IFNGR1: variants seen among roughly 807,000 people sequenced by gnomAD.
IFNGR1 encodes the protein AVP, type 2.
Under a neutral mutation model 35.4 loss-of-function variants are expected in IFNGR1, and 23 were observed. The observed-to-expected ratio is 0.65, with a 90% CI of 0.47 to 0.92. IFNGR1 has a LOEUF of 0.92. Ranked by LOEUF, IFNGR1 falls within the 40% of genes least tolerant of loss-of-function variation. The probability of loss-of-function intolerance (pLI) is 0.00; values close to 1 mark genes in which losing one functional copy is unlikely to be tolerated. For missense variants in IFNGR1, 533 were observed against 583.4 expected (o/e 0.91, Z 0.89); for synonymous variants, 199 against 209.5 (o/e 0.95, Z 0.43).
rs1247883861 is a variant in IFNGR1, at chr6:137,207,091, A to C, written c.86-14T>G. On this transcript the variant is annotated splice_polypyrimidine_tract_variant and intron_variant, in intron 1 of 6. Coordinates refer to ENST00000367739, the MANE Select transcript of IFNGR1 (RefSeq NM_000416.3). ...TTGGTGTAGGCACTGTAAGAAAATA[A>C]AAAAGTAAAAGGGACAATTGTAAGA... 6.2e-7 allele frequency: 1 copy of C among 1,613,454 alleles called. No individual in the cohort carries two copies. The highest frequency in any genetic ancestry group is 8.5e-7 in the Non-Finnish European group (1 of 1,179,654).
chr6:137,200,804 A>C, intron 6 of IFNGR1, 77 bp downstream of exon 6: 2 of 1,235,504 alleles, frequency 1.6e-6, no homozygotes, highest in Non-Finnish European at 2.3e-6. Context: ...ATTCTACTTT[A>C]AAAACATAAT....
chr6:137,202,711 T>C (rs1050429275), intron 5 of IFNGR1, among the ~76,000 whole-genome samples: 1 of 151,838 alleles, frequency 6.6e-6, no homozygotes, highest in African/African-American at 2.4e-5. Flanking sequence ...ATATATACTA[T>C]ACAATATGAT....
At chr6:137,210,516 T>C (rs1396163185) in intron 1 of IFNGR1, among the ~76,000 whole-genome samples, 1 of 152,168 alleles carries the variant, frequency 6.6e-6, no homozygotes, top group African/African-American at 2.4e-5. Flanking sequence ...TTTACTTATA[T>C]AACTAAAACA....
intron 1 of IFNGR1, among the ~76,000 whole-genome samples, chr6:137,209,005 G>A (rs1014631643): frequency 8.5e-5 from 13 of 152,220 alleles, no homozygotes; most frequent in African/African-American, 1.7e-4. Context: ...TCTTACATCC[G>A]CATGACCTGG....
In IFNGR1 at chr6:137,205,830, G is replaced by GT. The variant is rs121913176; in HGVS notation, c.373+305dup. Reference sequence around the variant, plus strand: ...GATCAGTAGTATTTTCGGTTTCTGAGTTTTTTTTTCTGGATTCTGGAATAT... The same window carrying GT: ...GATCAGTAGTATTTTCGGTTTCTGAGTTTTTTTTTTCTGGATTCTGGAATAT... On this transcript the variant is annotated intron_variant, in intron 3 of 6. Coordinates refer to ENST00000367739, the MANE Select transcript of IFNGR1 (RefSeq NM_000416.3). 6.1e-4 allele frequency among the ~76,000 whole-genome samples: 92 copies of GT among 151,544 alleles called. No homozygotes were observed. Among genetic ancestry groups the GT allele is most frequent in the African/African-American group, 2.0e-3 (81 of 41,310 alleles).
At chr6:137,212,988 A>G (rs1779610563) in intron 1 of IFNGR1, among the ~76,000 whole-genome samples, 1 of 152,212 alleles carries the variant, frequency 6.6e-6, no homozygotes, top group Admixed American at 6.5e-5. Flanking sequence ...CAGAGGAGAA[A>G]CTGTGTGGTT....
intron 1 of IFNGR1, chr6:137,218,913 G>A: frequency 2.2e-6 from 1 of 448,386 alleles, no homozygotes. Context: ...TATAATCTTT[G>A]AGACCACGCT....
chr6:137,218,872 C>T, intron 1 of IFNGR1: 2 of 373,980 alleles, frequency 5.3e-6, no homozygotes, highest in South Asian at 4.3e-5. Context: ...CGTATCTAAC[C>T]ATAAAAAAAG....
intron 5 of IFNGR1, among the ~76,000 whole-genome samples, chr6:137,202,819 T>C (rs1434891434): frequency 6.6e-6 from 1 of 152,168 alleles, no homozygotes; most frequent in East Asian, 1.9e-4. Flanking sequence ...CTTCTGGTTT[T>C]TCATATTTTA....
intron 1 of IFNGR1, among the ~76,000 whole-genome samples, chr6:137,216,899 A>C (rs1327420420): frequency 6.6e-6 from 1 of 152,222 alleles, no homozygotes; most frequent in African/African-American, 2.4e-5. Flanking sequence ...AGACAAATTC[A>C]AAAGTTTCTG....
intron 6 of IFNGR1, among the ~76,000 whole-genome samples, chr6:137,200,134 A>C (rs1779242739): frequency 1.3e-5 from 2 of 152,198 alleles, no homozygotes; most frequent in Admixed American, 1.3e-4. Context: ...ACTAGTAAGA[A>C]TAAAATATTA....
rs2114439882 is a variant in IFNGR1, at chr6:137,198,017, C to T, written c.*14G>A. The T allele has an allele frequency of 6.2e-7, 1 of 1,613,792 alleles. No homozygotes were observed. On this transcript the variant is annotated 3_prime_UTR_variant, in exon 7 of 7. Transcript: ENST00000367739. Reference sequence around the variant, plus strand: ...GGAAAATCAGACTTCAAAGTTGGTGCAACTTAGCTGATCTCATGAAAATTC... The same window carrying T: ...GGAAAATCAGACTTCAAAGTTGGTGTAACTTAGCTGATCTCATGAAAATTC...
chr6:137,202,407 T>A (rs906805418), intron 5 of IFNGR1, among the ~76,000 whole-genome samples: 10 of 152,216 alleles, frequency 6.6e-5, no homozygotes, highest in African/African-American at 2.4e-4. Flanking sequence ...AAAATTAGCA[T>A]AAAATGCATT....
At chr6:137,215,406 GA>G in intron 1 of IFNGR1, 1 of 1,388,766 alleles carries the variant, frequency 7.2e-7, no homozygotes, top group South Asian at 1.4e-5. Context: ...GCATTAAAAT[GA>G]ATAATTTCTT....
Position 137,204,438 on chromosome 6 carries a change from T to A in IFNGR1, c.440A>T (p.His147Leu). ...EEKQIMIDIF[H>L]PSVFVNGDEQ... ...GTCTCCATTTACAAAAACTGAAGGGTGAAATATGTCAATCATGATTTGCTT... is the reference window on the plus strand; with the variant it reads ...GTCTCCATTTACAAAAACTGAAGGGAGAAATATGTCAATCATGATTTGCTT... Residue 147 changes from histidine to leucine, a missense_variant, in exon 4 of 7, where the codon CAC becomes CTC. By Grantham distance (99) the His-to-Leu change is moderately conservative. Transcript: ENST00000367739. 6.2e-7 allele frequency: 1 copy of A among 1,613,920 alleles called. No individual in the cohort carries two copies. The highest frequency in any genetic ancestry group is 1.7e-4 in the Middle Eastern group (1 of 6,058).
rs17181471 is a variant in IFNGR1 at position 137,219,286 on chromosome 6, C to T, written c.42G>A (p.Val14=). The T allele has an allele frequency of 9.7e-3, 15,564 of 1,611,826 alleles. 114 individuals are homozygous for T. Among genetic ancestry groups the T allele is most frequent in the Non-Finnish European group, 0.012 (14,307 of 1,179,162 alleles). Reference sequence around the variant, plus strand: ...CCGCGGTGCCCATCTCAGCCCTGCTCACACCCTGCATGACAAGGGGTAGGA... The same window carrying T: ...CCGCGGTGCCCATCTCAGCCCTGCTTACACCCTGCATGACAAGGGGTAGGA... The part of the protein sequence containing the change: ...LFLLPLVMQG[V]SRAEMGTADL... The change falls in exon 1 of 7, where the codon GTG becomes GTA. Residue 14 remains valine (V), a synonymous_variant. Coordinates refer to ENST00000367739, the MANE Select transcript of IFNGR1 (RefSeq NM_000416.3).
At chr6:137,201,689 CA>C (rs5880339) in intron 5 of IFNGR1, among the ~76,000 whole-genome samples, 50 of 143,856 alleles carry the variant, frequency 3.5e-4, no homozygotes, top group East Asian at 4.0e-4. Context: ...AACAAAACAA[CA>C]AAAAAAAAAA....
Position 137,207,065 on chromosome 6 carries a change from G to A in IFNGR1, c.98C>T (p.Thr33Ile). ...GTTATAGGATTCAATTGTAACATTA[G>A]TTGGTGTAGGCACTGTAAGAAAATA... is the stretch of plus-strand genomic sequence containing the variant. ...DLGPSSVPTPTNVTIESYNMN... is the reference protein window; with the variant it reads ...DLGPSSVPTPINVTIESYNMN... Residue 33 changes from threonine (T) to isoleucine (I), a missense_variant, in exon 2 of 7, where the codon ACT (threonine) becomes ATT (isoleucine). Coordinates refer to ENST00000367739, the MANE Select transcript of IFNGR1 (RefSeq NM_000416.3). 1 of 1,613,936 alleles carries A rather than the reference G, an allele frequency of 6.2e-7. No homozygotes were observed.
At position 137,206,296 on chromosome 6, in the gene IFNGR1, T is replaced by C; in HGVS notation, c.213A>G (p.Ser71=). ...VEVKNYGVKN[S]EWIDACINIS... is the part of the protein sequence containing the mutation. ...TATTGATGCAGGCATCAATCCATTC[T>C]GAATTCTTAACACTAAAAAGAATAA... Residue 71 remains serine, a synonymous_variant, in exon 3 of 7, where the codon TCA becomes TCG. Coordinates refer to ENST00000367739, the MANE Select transcript of IFNGR1 (RefSeq NM_000416.3). The C allele has an allele frequency of 6.2e-7, 1 of 1,602,182 alleles. No individual in the cohort carries two copies. Among genetic ancestry groups the C allele is most frequent in the African/African-American group, 1.3e-5 (1 of 74,820 alleles).
Sources: allele counts gnomAD v4.1 joint callset (sites outside exome capture counted in the v4.1 genomes callset), GRCh38; gene constraint gnomAD v4.1.1; transcripts MANE v1.5; gene names NCBI Gene and HGNC (gene_info 2026-07-23, HGNC 2026-07-21).